The following SLC44A5 variants were observed in gnomAD, a reference collection of about 807,000 sequenced individuals.
The protein encoded by SLC44A5 is choline transporter-like protein 5.
A neutral mutation model predicts 101.8 loss-of-function variants in SLC44A5; 57 were observed. The observed-to-expected ratio is 0.56, with a 90% CI of 0.45 to 0.70. The LOEUF is 0.70. SLC44A5 is among the 30% of genes least tolerant of loss of function. SLC44A5 has a pLI of 0.00. For missense variants in SLC44A5, 737 were observed against 853.1 expected, an observed-to-expected ratio of 0.86 and a Z score of 1.70; for synonymous variants, 281 against 290.9, an observed-to-expected ratio of 0.97 and a Z score of 0.35.
intron 2 of SLC44A5, among the ~76,000 whole-genome samples, chr1:75,460,121 T>A (rs1249964376): frequency 6.6e-6 from 1 of 152,188 alleles, no homozygotes; most frequent in Non-Finnish European, 1.5e-5. Flanking sequence ...TCACTATATA[T>A]ACATTCTCTG....
chr1:75,389,486 G>A (rs1661639529), intron 3 of SLC44A5, among the ~76,000 whole-genome samples: 1 of 152,124 alleles, frequency 6.6e-6, no homozygotes, highest in Non-Finnish European at 1.5e-5. Context: ...TCAGACCACA[G>A]TGGAATAAAA....
chr1:75,312,320 C>T (rs527529064), intron 4 of SLC44A5, among the ~76,000 whole-genome samples: 1 of 152,138 alleles, frequency 6.6e-6, no homozygotes, highest in African/African-American at 2.4e-5. Flanking sequence ...CAGACTAATA[C>T]AGCCAGTGTG....
chr1:75,548,079 T>G (rs1299662891), intron 1 of SLC44A5, among the ~76,000 whole-genome samples: 1 of 152,182 alleles, frequency 6.6e-6, no homozygotes, highest in Non-Finnish European at 1.5e-5. Context: ...ACATAAAAAT[T>G]TATTTTCATA....
chr1:75,562,830 T>C (rs1363461938), intron 1 of SLC44A5, among the ~76,000 whole-genome samples: 1 of 152,168 alleles, frequency 6.6e-6, no homozygotes, highest in East Asian at 1.9e-4. Flanking sequence ...TGGTCTATTA[T>C]TTTTTGCTCC....
At chr1:75,620,429 A>T in the SLC44A5 span, among the ~76,000 whole-genome samples, 2 of 152,152 alleles carry the variant, frequency 1.3e-5, no homozygotes, top group African/African-American at 4.8e-5. Flanking sequence ...ACAATGGTTG[A>T]ACTAATTTAC....
chr1:75,491,943 C>T (rs780798479), intron 2 of SLC44A5, among the ~76,000 whole-genome samples: 1 of 152,060 alleles, frequency 6.6e-6, no homozygotes, highest in Non-Finnish European at 1.5e-5. Context: ...TTTATTCTAC[C>T]TTTTGTTCTA....
At chr1:75,358,787 T>A (rs1300065687) in intron 3 of SLC44A5, among the ~76,000 whole-genome samples, 3 of 152,298 alleles carry the variant, frequency 2.0e-5, no homozygotes, top group South Asian at 4.1e-4. Flanking sequence ...ATGTATACAA[T>A]GTAGAATGAT....
intron 6 of SLC44A5, among the ~76,000 whole-genome samples, chr1:75,263,654 C>A (rs989709575): frequency 3.3e-5 from 5 of 152,164 alleles, no homozygotes; most frequent in African/African-American, 1.2e-4. Flanking sequence ...GATTATAAAT[C>A]ATTCTACTAT....
chr1:75,211,140 A>G (rs1006020323), intron 23 of SLC44A5, among the ~76,000 whole-genome samples: 4 of 152,172 alleles, frequency 2.6e-5, no homozygotes, highest in African/African-American at 9.7e-5. Context: ...CATAACTGAA[A>G]GTTTGTACCC....
intron 5 of SLC44A5, among the ~76,000 whole-genome samples, chr1:75,279,367 A>T (rs1652199675): frequency 6.6e-6 from 1 of 152,050 alleles, no homozygotes; most frequent in Non-Finnish European, 1.5e-5. Flanking sequence ...GCAGAAAGTG[A>T]GGTGTAGGAG....
chr1:75,305,862 C>T lies in SLC44A5; in HGVS notation c.102-5177G>A, dbSNP rs549642849. 9.8e-5 allele frequency among the ~76,000 whole-genome samples: 15 copies of T among 152,320 alleles called. No homozygotes were observed. In the East Asian group the frequency reaches 1.2e-3, roughly 12 times the overall value. ...TTCTTGAAGTTTTCAACTAGAAGAG[C>T]TCTCTCTAATCCCCGTAGACCTAGG... On this transcript the variant is annotated intron_variant, in intron 4 of 23. Transcript: ENST00000370859.
the SLC44A5 span, among the ~76,000 whole-genome samples, chr1:75,659,277 A>T: frequency 7.4e-6 from 1 of 134,546 alleles, no homozygotes; most frequent in African/African-American, 2.5e-5. Flanking sequence ...TTACTCTCAT[A>T]TCAAAACCAA....
chr1:75,340,409 C>T (rs1368174758), intron 3 of SLC44A5, among the ~76,000 whole-genome samples: 2 of 152,128 alleles, frequency 1.3e-5, no homozygotes, highest in African/African-American at 2.4e-5. Context: ...CCTAAGCACT[C>T]CCACCTGTTC....
the SLC44A5 span, among the ~76,000 whole-genome samples, chr1:75,675,436 T>G: frequency 6.6e-6 from 1 of 152,200 alleles, no homozygotes. Flanking sequence ...TATATAGGAA[T>G]GCTTAAGCTT....
chr1:75,339,412 A>T lies in SLC44A5; in HGVS notation c.101+170T>A, dbSNP rs1657695661. ...ATATTCATGACTCATGGAAAGATTT[A>T]TTCTCTGTACTTTCCCTGTGTAAAT... On this transcript the variant is annotated intron_variant, in intron 4 of 23. Coordinates refer to ENST00000370859, the MANE Select transcript of SLC44A5 (RefSeq NM_001130058.2). 2.0e-5 allele frequency among the ~76,000 whole-genome samples: 3 copies of T among 152,162 alleles called. No homozygotes were observed. In the South Asian group the frequency reaches 6.2e-4, roughly 32 times the overall value.
rs112497459 is a variant in SLC44A5, at chr1:75,238,159, C to CT, written c.656+353dup. Among the ~76,000 whole-genome samples, 983 of 140,952 alleles carry CT rather than the reference C, an allele frequency of 7.0e-3. 13 individuals are homozygous for CT. Among genetic ancestry groups the CT allele is most frequent in the African/African-American group, 0.023 (872 of 38,570 alleles). 92.5% of individuals were successfully genotyped at this position (140,952 alleles called of 152,430 possible). On this transcript the variant is annotated intron_variant, in intron 10 of 23. Coordinates refer to ENST00000370859, the MANE Select transcript of SLC44A5 (RefSeq NM_001130058.2). ...ATTATTCTTTCTTTCTTTTATTTTC[C>CT]TTTTTTTTTTTTTAAATCCCAGCTA...
At chr1:75,713,040 G>A in the SLC44A5 span, among the ~76,000 whole-genome samples, 10 of 152,072 alleles carry the variant, frequency 6.6e-5, no homozygotes, top group South Asian at 6.2e-4. Context: ...AACTGCTCCT[G>A]TTCCGCCTAA....
chr1:75,678,625 C>T, the SLC44A5 span, among the ~76,000 whole-genome samples: 1 of 149,962 alleles, frequency 6.7e-6, no homozygotes, highest in East Asian at 1.9e-4. Context: ...TCACCATCAT[C>T]AAAGACCAAA....
At chr1:75,683,471 T>C in the SLC44A5 span, among the ~76,000 whole-genome samples, 4 of 151,672 alleles carry the variant, frequency 2.6e-5, no homozygotes, top group African/African-American at 9.7e-5. Flanking sequence ...ATGGATGAAA[T>C]TGGAAATCAT....
Sources: gnomAD v4.1 joint callset for allele counts (sites outside exome capture counted in the v4.1 genomes callset) on GRCh38, gnomAD v4.1.1 for gene constraint, MANE v1.5 for transcripts, NCBI Gene and HGNC (gene_info 2026-07-23, HGNC 2026-07-21) for gene names.